The following NAV1 variants were observed in gnomAD, a reference collection of about 807,000 sequenced individuals.
The protein encoded by NAV1 is pore membrane and/or filament interacting like protein 3.
In NAV1, 18 loss-of-function variants were observed where a neutral mutation model predicts 175.2. The ratio of observed to expected loss-of-function variants is 0.10; its 90% CI spans 0.07 to 0.15. The LOEUF (loss-of-function observed/expected upper bound fraction) is 0.15. NAV1 is among the 10% of genes least tolerant of loss of function. The probability of loss-of-function intolerance (pLI) is 1.00; values close to 1 mark genes in which losing one functional copy is unlikely to be tolerated. For missense variants in NAV1, 1,731 were observed against 2,436.6 expected (o/e 0.71, Z 6.10); for synonymous variants, 897 against 978.7 (o/e 0.92, Z 1.56).
intron 3 of NAV1, among the ~76,000 whole-genome samples, chr1:201,743,353 G>A (rs1437316543): frequency 6.6e-6 from 1 of 152,212 alleles, no homozygotes; most frequent in Admixed American, 6.5e-5. Flanking sequence ...AATTATAATT[G>A]CCACCCAACC....
At chr1:201,623,681 G>A (rs1668241751) in intron 1 of NAV1, 75 bp downstream of exon 3, 7 of 985,510 alleles carry the variant, frequency 7.1e-6, no homozygotes, top group Non-Finnish European at 8.4e-6. Context: ...GAAGAGGACA[G>A]GGACCCTGGT....
intron 1 of NAV1, among the ~76,000 whole-genome samples, chr1:201,702,103 T>G (rs749243734): frequency 7.2e-5 from 11 of 152,192 alleles, no homozygotes; most frequent in Non-Finnish European, 1.2e-4. Flanking sequence ...GAGAACGTTG[T>G]GCTAAGTGGA....
intron 3 of NAV1, among the ~76,000 whole-genome samples, chr1:201,720,269 G>C (rs1223510831): frequency 1.3e-5 from 2 of 152,220 alleles, no homozygotes; most frequent in South Asian, 2.1e-4. Flanking sequence ...AGAATCCCAG[G>C]AGGGTGCAGA....
intron 2 of NAV1, among the ~76,000 whole-genome samples, chr1:201,612,681 G>A (rs1667886704): frequency 6.6e-6 from 1 of 152,184 alleles, no homozygotes; most frequent in African/African-American, 2.4e-5. Context: ...TAGCCCTCAT[G>A]ACCTAATCTC....
chr1:201,664,039 A>G lies in NAV1; in HGVS notation c.757+14614A>G, dbSNP rs552393575. On this transcript the variant is annotated intron_variant, in intron 1 of 29. Coordinates refer to ENST00000367296, the Ensembl canonical transcript of NAV1. ...GCTCTGTGTAGCCTAAGTCATCGTC[A>G]TTACTCTATTGGGTTCTGGGAGGGA... 2.0e-5 allele frequency among the ~76,000 whole-genome samples: 3 copies of G among 152,278 alleles called. No homozygotes were observed. In the East Asian group the frequency reaches 5.8e-4, roughly 29 times the overall value.
At chr1:201,578,705 C>A (rs756486493) in intron 1 of NAV1, among the ~76,000 whole-genome samples, 1 of 152,240 alleles carries the variant, frequency 6.6e-6, no homozygotes, top group Non-Finnish European at 1.5e-5. Context: ...AGGCTCCCCA[C>A]TTGCCCTTCG....
At chr1:201,677,250 CAAAAAAA>C (rs3053786) in intron 1 of NAV1, among the ~76,000 whole-genome samples, 1 of 110,704 alleles carries the variant, frequency 9.0e-6, no homozygotes, top group Non-Finnish European at 1.8e-5. Flanking sequence ...GACTCCATCT[CAAAAAAA>C]AAAAAAAAAA....
chr1:201,792,025 TAC>T (rs1223844562), intron 13 of NAV1: 1 of 152,144 alleles, frequency 6.6e-6, no homozygotes, highest in Non-Finnish European at 1.5e-5. Context: ...CTGATTCATT[TAC>T]ACTGCAATCT....
intron 2 of NAV1, among the ~76,000 whole-genome samples, chr1:201,610,784 C>T (rs1042701906): frequency 6.6e-6 from 1 of 152,126 alleles, no homozygotes; most frequent in African/African-American, 2.4e-5. Flanking sequence ...TGCTTGATCA[C>T]TTAACTATAA....
chr1:201,817,074 C>T lies in NAV1; in HGVS notation c.5341-14C>T. The T allele has an allele frequency of 6.2e-7, 1 of 1,612,482 alleles. No homozygotes were observed. Reference sequence around the variant, plus strand: ...TTAATTCCCCACAGTAATCATATTTCACCTTCTTTCCAGGTCCATGGACAG... The same window carrying T: ...TTAATTCCCCACAGTAATCATATTTTACCTTCTTTCCAGGTCCATGGACAG... On this transcript the variant is annotated splice_polypyrimidine_tract_variant and intron_variant, in intron 28 of 29. Transcript: ENST00000367296.
upstream of NAV1, among the ~76,000 whole-genome samples, chr1:201,645,752 A>T (rs1668956048): frequency 6.6e-6 from 1 of 152,142 alleles, no homozygotes; most frequent in Admixed American, 6.5e-5. Context: ...TTGTCTGCTA[A>T]GGAGAAGATG....
intron 3 of NAV1, 147 bp from the exon 8 acceptor site, chr1:201,780,274 C>T (rs1438478941): frequency 1.3e-5 from 10 of 766,834 alleles, no homozygotes; most frequent in Middle Eastern, 2.4e-4. Context: ...CTTTGAGTTG[C>T]TGACAAACCT....
chr1:201,690,227 C>G (rs1445264965), intron 1 of NAV1, among the ~76,000 whole-genome samples: 1 of 120,282 alleles, frequency 8.3e-6, no homozygotes, highest in Admixed American at 9.1e-5. Context: ...CAGAGTATGT[C>G]TATTTCCTCT....
chr1:201,566,904 G>A (rs1051141222), intron 1 of NAV1, among the ~76,000 whole-genome samples: 8 of 151,458 alleles, frequency 5.3e-5, no homozygotes, highest in East Asian at 3.9e-4. Flanking sequence ...TTTCTGTATC[G>A]ATCAAATCTC....
chr1:201,554,221 T>C (rs2102456418), intron 1 of NAV1, among the ~76,000 whole-genome samples: 1 of 152,340 alleles, frequency 6.6e-6, no homozygotes, highest in South Asian at 2.1e-4. Context: ...GACAGGGGTG[T>C]CTGGCCCTGC....
At chr1:201,815,357 C>T (rs1203737030) in intron 28 of NAV1, among the ~76,000 whole-genome samples, 1 of 152,110 alleles carries the variant, frequency 6.6e-6, no homozygotes, top group East Asian at 1.9e-4. Context: ...GCCTAGGCAA[C>T]ATAGCGAGAC....
chr1:201,631,892 C>G (rs1668487680), intron 2 of NAV1, among the ~76,000 whole-genome samples: 1 of 151,968 alleles, frequency 6.6e-6, no homozygotes, highest in African/African-American at 2.4e-5. Context: ...ACTCATCTTG[C>G]CCCCCATCAC....
intron 7 of NAV1, among the ~76,000 whole-genome samples, chr1:201,784,662 C>G (rs57680063): frequency 0.04 from 6,023 of 151,786 alleles, 254 homozygotes; most frequent in African/African-American, 0.11. Context: ...CTCAGCCTCC[C>G]GGGAGCTGCA....
chr1:201,790,918 AG>A, intron 13 of NAV1, 152 bp downstream of exon 17: 1 of 685,570 alleles, frequency 1.5e-6, no homozygotes, highest in Non-Finnish European at 2.4e-6. Flanking sequence ...ATAGAAGACG[AG>A]GGGATTGTTC....
Sources: gnomAD v4.1 joint callset for allele counts (sites outside exome capture counted in the v4.1 genomes callset) on GRCh38, gnomAD v4.1.1 for gene constraint, MANE v1.5 for transcripts, NCBI Gene and HGNC (gene_info 2026-07-23, HGNC 2026-07-21) for gene names.